KANK4: variants seen among roughly 807,000 people sequenced by gnomAD.
KANK4 encodes KN motif and ankyrin repeat domain-containing protein 4.
In KANK4, 50 loss-of-function variants were observed where a neutral mutation model predicts 80.8. That is an observed-to-expected ratio of 0.62 (90% confidence interval 0.49 to 0.78). The LOEUF (loss-of-function observed/expected upper bound fraction) is 0.78, where lower values mean the gene tolerates loss of function less well. Among genes scored for constraint, KANK4 ranks in the 30% least tolerant of loss-of-function variants. KANK4 has a pLI of 0.00. For missense variants in KANK4, 1,196 were observed against 1,240.1 expected, an observed-to-expected ratio of 0.96 and a Z score of 0.53; for synonymous variants, 465 against 506.9, an observed-to-expected ratio of 0.92 and a Z score of 1.11.
chr1:62,266,838 T>A lies in KANK4; in HGVS notation c.2232-19A>T. 7.4e-7 allele frequency: 1 copy of A among 1,360,070 alleles called. No homozygotes were observed. Among genetic ancestry groups the A allele is most frequent in the Non-Finnish European group, 1.0e-6 (1 of 953,068 alleles). The allele number at this position is 1,360,070 out of a possible 1,614,324, so 84.3% of individuals were successfully genotyped here. A position where few individuals can be genotyped will look rare whatever the true frequency, so the allele number is the denominator to read the frequency against. ...TTTATATCTAAATAAAACAAACATA[T>A]ATACACATATTTATATAATCATTTT... On this transcript the variant is annotated intron_variant, in intron 5 of 9. Transcript: ENST00000371153.
chr1:62,287,238 G>C (rs985103074), intron 1 of KANK4, among the ~76,000 whole-genome samples: 1 of 152,202 alleles, frequency 6.6e-6, no homozygotes, highest in Non-Finnish European at 1.5e-5. Flanking sequence ...TGAAAGGAGC[G>C]GGGATGGTCC....
intron 1 of KANK4, among the ~76,000 whole-genome samples, chr1:62,285,342 C>T (rs946602781): frequency 2.0e-5 from 3 of 152,182 alleles, no homozygotes; most frequent in Non-Finnish European, 4.4e-5. Context: ...CAGCTGGGTC[C>T]ACCCTCAGTG....
chr1:62,308,968 T>C (rs897790981), intron 1 of KANK4, among the ~76,000 whole-genome samples: 2 of 152,198 alleles, frequency 1.3e-5, no homozygotes, highest in Non-Finnish European at 2.9e-5. Context: ...AGAACCTCCC[T>C]TGGGGCTCCC....
intron 9 of KANK4, among the ~76,000 whole-genome samples, chr1:62,240,540 A>G (rs561299368): frequency 6.6e-5 from 10 of 152,254 alleles, no homozygotes; most frequent in South Asian, 2.1e-4. Context: ...GTGGTGGCAC[A>G]TGTCTGTAAC....
intron 8 of KANK4, 53 bp from the exon 9 acceptor site, chr1:62,247,725 C>T: frequency 1.3e-6 from 2 of 1,498,314 alleles, no homozygotes; most frequent in South Asian, 1.1e-5. Context: ...GGGGAAGGAC[C>T]CCCTCTCCAG....
At chr1:62,252,681 C>T (rs978549445) in intron 8 of KANK4, among the ~76,000 whole-genome samples, 2 of 152,226 alleles carry the variant, frequency 1.3e-5, no homozygotes, top group Non-Finnish European at 2.9e-5. Flanking sequence ...TCCAAAGAGC[C>T]TAGTTAGGTG....
chr1:62,256,268 G>A (rs548103623), intron 7 of KANK4, among the ~76,000 whole-genome samples: 3 of 152,112 alleles, frequency 2.0e-5, no homozygotes, highest in South Asian at 4.1e-4. Context: ...TAAGGTTTAG[G>A]TATTCATTGT....
intron 1 of KANK4, among the ~76,000 whole-genome samples, chr1:62,302,944 A>T (rs1234032813): frequency 1.3e-5 from 2 of 152,040 alleles, no homozygotes; most frequent in African/African-American, 2.4e-5. Flanking sequence ...GAGTTTCTGG[A>T]GGTGGGAAGA....
intron 1 of KANK4, among the ~76,000 whole-genome samples, chr1:62,305,133 C>CGGCA (rs1328737141): frequency 2.0e-5 from 3 of 152,174 alleles, no homozygotes; most frequent in Non-Finnish European, 4.4e-5. Flanking sequence ...ACCTTTCCTA[C>CGGCA]GGCAGGAGGG....
At chr1:62,284,530 G>C (rs1332474879) in intron 1 of KANK4, among the ~76,000 whole-genome samples, 3 of 152,138 alleles carry the variant, frequency 2.0e-5, no homozygotes, top group African/African-American at 7.2e-5. Flanking sequence ...TGTTGGCCAG[G>C]CTGGCCTTGA....
intron 1 of KANK4, among the ~76,000 whole-genome samples, chr1:62,303,183 G>T (rs1340095301): frequency 6.6e-6 from 1 of 152,024 alleles, no homozygotes; most frequent in Non-Finnish European, 1.5e-5. Context: ...TGACACACAT[G>T]GAGGATGCCA....
intron 1 of KANK4, among the ~76,000 whole-genome samples, chr1:62,314,490 C>T (rs141499867): frequency 6.6e-6 from 1 of 152,190 alleles, no homozygotes; most frequent in Non-Finnish European, 1.5e-5. Context: ...CTGGCGTCTC[C>T]GGGCTGCTGG....
At chr1:62,292,848 T>C (rs766704968) in intron 1 of KANK4, among the ~76,000 whole-genome samples, 14 of 152,192 alleles carry the variant, frequency 9.2e-5, no homozygotes, top group Admixed American at 3.9e-4. Flanking sequence ...TTTTCCTATA[T>C]ATTGAGACCT....
At chr1:62,285,045 T>C (rs916470345) in intron 1 of KANK4, among the ~76,000 whole-genome samples, 1 of 152,238 alleles carries the variant, frequency 6.6e-6, no homozygotes, top group Non-Finnish European at 1.5e-5. Flanking sequence ...GTATACTTTC[T>C]CATTTCATCC....
At chr1:62,310,708 T>C (rs1173739976) in intron 1 of KANK4, among the ~76,000 whole-genome samples, 2 of 152,090 alleles carry the variant, frequency 1.3e-5, no homozygotes, top group Non-Finnish European at 2.9e-5. Context: ...CTGCTCATGT[T>C]GGAGAGAAAT....
rs371517518 is a variant in KANK4 at position 62,263,221 on chromosome 1, C to T, written c.2410G>A (p.Glu804Lys). The T allele has an allele frequency of 3.7e-5, 59 of 1,613,796 alleles. 1 individual carries two copies. Among genetic ancestry groups the T allele is most frequent in the South Asian group, 1.3e-4 (12 of 91,034 alleles). Residue 804 changes from glutamate (E) to lysine (K), a missense_variant, in exon 7 of 10, where the codon GAG becomes AAG. By Grantham distance (56) the Glu-to-Lys change is moderately conservative (BLOSUM62 1). This residue lies in a region of KANK4 where 1,154 missense variants were observed against 1,179.6 expected (regional missense o/e 0.98). Transcript: ENST00000371153. ...AAGTGTGGGGAGTGAGGCTGGACCT[C>T]GTGGAGGTAGGAGGCCACCACGGCG... The part of the protein sequence containing the change: ...SPAVVASYLH[E>K]VQPHSPHFLK...
At chr1:62,290,954 G>C (rs1199218393) in intron 1 of KANK4, among the ~76,000 whole-genome samples, 1 of 151,916 alleles carries the variant, frequency 6.6e-6, no homozygotes, top group African/African-American at 2.4e-5. Flanking sequence ...GTTTCACCGT[G>C]TTAGCCAGAA....
At chr1:62,243,930 G>A (rs370380547) in intron 9 of KANK4, among the ~76,000 whole-genome samples, 47 of 152,032 alleles carry the variant, frequency 3.1e-4, no homozygotes, top group African/African-American at 1.1e-3. Context: ...GTCTGTAAAT[G>A]CCATGTTCCC....
chr1:62,264,668 A>T (rs1393186921), intron 6 of KANK4, among the ~76,000 whole-genome samples: 1 of 152,144 alleles, frequency 6.6e-6, no homozygotes, highest in Non-Finnish European at 1.5e-5. Context: ...ATATCCTCTG[A>T]TCACTTTTCT....
Sources: allele counts gnomAD v4.1 joint callset (sites outside exome capture counted in the v4.1 genomes callset), GRCh38; gene constraint gnomAD v4.1.1; regional missense constraint gnomAD v4.1.1; transcripts MANE v1.5; gene names NCBI Gene and HGNC (gene_info 2026-07-23, HGNC 2026-07-21).